The following CR1L variants were observed in gnomAD, a reference collection of about 807,000 sequenced individuals.
CR1L encodes the protein complement C3b/C4b receptor 1 like.
Under a neutral mutation model 62.3 loss-of-function variants are expected in CR1L, and 59 were observed. The observed-to-expected ratio is 0.95, with a 90% CI of 0.77 to 1.18. CR1L has a LOEUF of 1.18. Among genes scored for constraint, CR1L ranks in the 50% most tolerant of loss-of-function variants. The probability of loss-of-function intolerance (pLI) is 0.00; values close to 1 mark genes in which losing one functional copy is unlikely to be tolerated. For synonymous variants in CR1L, 279 were observed against 248.7 expected (o/e 1.12, Z -1.15); for missense variants, 700 against 702.8 (o/e 1.00, Z 0.04).
chr1:207,669,502 C>T (rs1274284087), intron 1 of CR1L: 3 of 1,582,838 alleles, frequency 1.9e-6, no homozygotes, highest in Admixed American at 3.5e-5. Flanking sequence ...GCCCGGTCTC[C>T]CCTTCTGCTG....
chr1:207,701,484 C>T (rs1664191182), intron 8 of CR1L, 35 bp from the exon 9 acceptor site: 10 of 1,611,934 alleles, frequency 6.2e-6, no homozygotes, highest in Non-Finnish European at 7.6e-6. Context: ...GTTCAGATTA[C>T]TCTACCTGGC....
intron 4 of CR1L, among the ~76,000 whole-genome samples, chr1:207,688,098 C>T (rs1663939358): frequency 6.6e-6 from 1 of 152,084 alleles, no homozygotes; most frequent in African/African-American, 2.4e-5. Context: ...CAAAGCGAGA[C>T]CCTGTCTCTA....
At chr1:207,664,568 C>A (rs988157714) in intron 1 of CR1L, among the ~76,000 whole-genome samples, 1 of 152,072 alleles carries the variant, frequency 6.6e-6, no homozygotes, top group Non-Finnish European at 1.5e-5. Context: ...AATAAGGTAT[C>A]CAGGCTTACT....
intron 9 of CR1L, among the ~76,000 whole-genome samples, chr1:207,706,013 GTATATATATATA>G (rs139294447): frequency 3.7e-5 from 5 of 133,574 alleles, no homozygotes; most frequent in South Asian, 2.4e-4. Context: ...GTGTGTGTAT[GTATATATATATA>G]TATATATATA....
rs555847133 is a variant in CR1L, at chr1:207,695,371, C to A, written c.862+620C>A. ...TCTCGAACACCTGAGCTGAAGCAAT[C>A]CACCCACCTGGGCCTCCCAAAGTGC... On this transcript the variant is annotated intron_variant, in intron 5 of 11. Coordinates refer to ENST00000508064, the MANE Select transcript of CR1L (RefSeq NM_175710.2). 2.6e-5 allele frequency among the ~76,000 whole-genome samples: 4 copies of A among 152,324 alleles called. No homozygotes were observed. The South Asian group carries it at 8.3e-4, about 32-fold the overall frequency.
rs145296721 is a variant in CR1L, at chr1:207,690,401, T to A, written c.464-3952T>A. On this transcript the variant is annotated intron_variant, in intron 4 of 11. Transcript: ENST00000508064. ...TTGGAGATCTTCTAGTTATCATTCT[T>A]TCATTAATTCAATCATTTGAGACAT... is the stretch of plus-strand genomic sequence containing the variant. 8.6e-3 allele frequency among the ~76,000 whole-genome samples: 1,314 copies of A among 152,342 alleles called. 19 individuals carry two copies. Among genetic ancestry groups the A allele is most frequent in the African/African-American group, 0.025 (1,019 of 41,584 alleles).
intron 9 of CR1L, among the ~76,000 whole-genome samples, chr1:207,703,831 G>C (rs1327453635): frequency 1.3e-5 from 2 of 152,154 alleles, no homozygotes; most frequent in African/African-American, 4.8e-5. Flanking sequence ...GAATGTGCCT[G>C]TAGTCCCAAC....
intron 7 of CR1L, among the ~76,000 whole-genome samples, chr1:207,698,424 G>A (rs2102470977): frequency 6.6e-6 from 1 of 152,220 alleles, no homozygotes; most frequent in Non-Finnish European, 1.5e-5. Flanking sequence ...GGGTTCTGAT[G>A]GCTGCTGTTA....
chr1:207,681,354 A>G (rs1240178633), intron 3 of CR1L, among the ~76,000 whole-genome samples: 3 of 152,172 alleles, frequency 2.0e-5, no homozygotes, highest in Admixed American at 6.5e-5. Context: ...GGAGATCCAA[A>G]AAGGTAGGGT....
At chr1:207,709,074 G>A (rs994784578) in intron 10 of CR1L, 13 of 245,078 alleles carry the variant, frequency 5.3e-5, no homozygotes, top group Middle Eastern at 1.5e-3. Context: ...GTCTTTATTA[G>A]TTCTGCCAGA....
chr1:207,696,906 G>A (rs558476913), intron 5 of CR1L, among the ~76,000 whole-genome samples: 7 of 152,304 alleles, frequency 4.6e-5, no homozygotes, highest in East Asian at 1.9e-4. Context: ...CTTCTCACTG[G>A]AGTGAAATGA....
At chr1:207,665,925 C>A (rs115530097) in intron 1 of CR1L, among the ~76,000 whole-genome samples, 7 of 152,158 alleles carry the variant, frequency 4.6e-5, no homozygotes, top group Admixed American at 3.3e-4. Context: ...TAAGACTATA[C>A]ATCCTGAGTG....
At chr1:207,668,248 C>G (rs1437336034) in intron 1 of CR1L, among the ~76,000 whole-genome samples, 1 of 150,968 alleles carries the variant, frequency 6.6e-6, no homozygotes, top group Non-Finnish European at 1.5e-5. Flanking sequence ...TTCACAATAG[C>G]CAAGGTATGG....
intron 1 of CR1L, among the ~76,000 whole-genome samples, chr1:207,664,792 G>A (rs1014578931): frequency 6.6e-6 from 1 of 152,040 alleles, no homozygotes; most frequent in African/African-American, 2.4e-5. Context: ...ATTCCTCATG[G>A]GATTGTCAGT....
At chr1:207,720,193 T>G (rs1654100745) in intron 11 of CR1L, among the ~76,000 whole-genome samples, 1 of 152,212 alleles carries the variant, frequency 6.6e-6, no homozygotes, top group Admixed American at 6.5e-5. Flanking sequence ...CTCTCTGAAC[T>G]AAGACTCAGA....
intron 9 of CR1L, among the ~76,000 whole-genome samples, chr1:207,706,368 C>A (rs888353888): frequency 3.3e-5 from 5 of 151,894 alleles, no homozygotes; most frequent in African/African-American, 1.2e-4. Flanking sequence ...CTTCAGTGAG[C>A]CGTGATGGCA....
Position 207,678,250 on chromosome 1 carries a change from C to T in CR1L, c.330C>T (p.Ile110=), listed in dbSNP as rs751561567. Residue 110 remains isoleucine (I), a synonymous_variant, in exon 3 of 12, where the codon ATC becomes ATT. Transcript: ENST00000508064. ...PDPVNGMAHV[I]KDIQFRSQIK... is the part of the protein sequence containing the mutation. Reference sequence around the variant, plus strand: ...CTGTGAATGGCATGGCACATGTGATCAAAGACATCCAGTTCAGATCCCAAA... The same window carrying T: ...CTGTGAATGGCATGGCACATGTGATTAAAGACATCCAGTTCAGATCCCAAA... 6.2e-7 allele frequency: 1 copy of T among 1,613,710 alleles called. No homozygotes were observed. The highest frequency in any genetic ancestry group is 8.5e-7 in the Non-Finnish European group (1 of 1,179,610).
At chr1:207,718,177 T>C (rs1654049028) in intron 11 of CR1L, among the ~76,000 whole-genome samples, 1 of 152,196 alleles carries the variant, frequency 6.6e-6, no homozygotes, top group Non-Finnish European at 1.5e-5. Context: ...CAAGGGTTTG[T>C]TCAAGCCGCT....
intron 1 of CR1L, among the ~76,000 whole-genome samples, chr1:207,668,433 T>C (rs1663556231): frequency 6.6e-6 from 1 of 151,096 alleles, no homozygotes; most frequent in Admixed American, 6.6e-5. Context: ...AGACAAATCC[T>C]GTATGATATC....
Sources: allele counts gnomAD v4.1 joint callset (sites outside exome capture counted in the v4.1 genomes callset), GRCh38; gene constraint gnomAD v4.1.1; transcripts MANE v1.5; gene names NCBI Gene and HGNC (gene_info 2026-07-23, HGNC 2026-07-21).